Variants in PPP1CC observed in about 807,000 individuals in gnomAD.
The protein encoded by PPP1CC is serine/threonine-protein phosphatase PP1-gamma catalytic subunit.
Under a neutral mutation model 38.4 loss-of-function variants are expected in PPP1CC, and 16 were observed. The ratio of observed to expected loss-of-function variants is 0.42; its 90% confidence interval spans 0.28 to 0.63. The LOEUF (loss-of-function observed/expected upper bound fraction) is 0.63. PPP1CC is among the 30% of genes least tolerant of loss of function. The pLI is 0.25. For missense variants in PPP1CC, 170 were observed against 391.3 expected (o/e 0.43, Z 4.77); for synonymous variants, 158 against 136.0 (o/e 1.16, Z -1.13).
chr12:110,738,612 AGCTGACCACT>A (rs1225313395), intron 1 of PPP1CC, among the ~76,000 whole-genome samples: 1 of 152,204 alleles, frequency 6.6e-6, no homozygotes, highest in Non-Finnish European at 1.5e-5. Context: ...TAATTTCTAC[AGCTGACCACT>A]GCTGGGCTAC....
intron 3 of PPP1CC, among the ~76,000 whole-genome samples, chr12:110,726,988 A>G (rs965233675): frequency 6.6e-6 from 1 of 152,000 alleles, no homozygotes; most frequent in Non-Finnish European, 1.5e-5. Flanking sequence ...ACCTAGGGGG[A>G]ATGAAGCGAC....
At chr12:110,716,361 T>TC (rs1455735336), downstream of PPP1CC, among the ~76,000 whole-genome samples, 2 of 152,076 alleles carry the variant, frequency 1.3e-5, no homozygotes, top group African/African-American at 4.8e-5. Context: ...TTTAACTTTT[T>TC]TTTTTTTTTG....
chr12:110,738,037 C>T (rs1201649193), intron 1 of PPP1CC, among the ~76,000 whole-genome samples: 1 of 152,140 alleles, frequency 6.6e-6, no homozygotes. Flanking sequence ...TAAAGCCAAT[C>T]CATTAAAAAC....
chr12:110,733,672 T>C (rs1452444690), intron 1 of PPP1CC, among the ~76,000 whole-genome samples: 1 of 152,188 alleles, frequency 6.6e-6, no homozygotes, highest in Non-Finnish European at 1.5e-5. Flanking sequence ...TGGAGTGCAG[T>C]GGCATGATCA....
At chr12:110,735,304 T>C (rs2069930478) in intron 1 of PPP1CC, among the ~76,000 whole-genome samples, 1 of 152,110 alleles carries the variant, frequency 6.6e-6, no homozygotes, top group African/African-American at 2.4e-5. Flanking sequence ...CTAGGCACTG[T>C]ACTAAGGGCT....
Position 110,730,532 on chromosome 12 carries a change from C to T in PPP1CC, c.415G>A (p.Glu139Lys). The change falls in exon 3 of 7, where the codon GAA becomes AAA. Residue 139 changes from glutamate (E) to lysine (K), a missense_variant. Around this residue, in one of 3 missense-constraint regions of PPP1CC, gnomAD observed 117 missense variants for 344.4 expected, o/e 0.34. Coordinates refer to ENST00000335007, the MANE Select transcript of PPP1CC (RefSeq NM_002710.4). ...TTAGATATAGAAAAGTACTTACATT[C>T]ATCATAAAATCCATAAATTCTGTTG... Reference protein sequence around the residue: ...SINRIYGFYDECKRRYNIKLW... With the variant: ...SINRIYGFYDKCKRRYNIKLW... 1 of 1,596,966 alleles carries T rather than the reference C, an allele frequency of 6.3e-7. No individual in the cohort carries two copies. The highest frequency in any genetic ancestry group is 1.1e-5 in the South Asian group (1 of 88,916).
chr12:110,724,631 C>T, intron 4 of PPP1CC, 29 bp downstream of exon 4: 1 of 1,375,162 alleles, frequency 7.3e-7, no homozygotes, highest in Non-Finnish European at 1.0e-6. Flanking sequence ...GGATCAAAAC[C>T]TATTTGGAAC....
At chr12:110,726,673 C>T (rs1243145245) in intron 3 of PPP1CC, 2 of 152,130 alleles carry the variant, frequency 1.3e-5, no homozygotes, top group Non-Finnish European at 2.9e-5. Context: ...CAAGATGCTC[C>T]AAAATTTGGA....
chr12:110,715,011 C>T (rs1048484062), downstream of PPP1CC, among the ~76,000 whole-genome samples: 1 of 151,700 alleles, frequency 6.6e-6, no homozygotes, highest in African/African-American at 2.4e-5. Flanking sequence ...CCTAACTTGC[C>T]AGGGAAAGGT....
chr12:110,711,387 A>C, the PPP1CC span, among the ~76,000 whole-genome samples: 1 of 150,914 alleles, frequency 6.6e-6, no homozygotes, highest in Non-Finnish European at 1.5e-5. Flanking sequence ...TGTTTCTATA[A>C]AAATAAATAA....
At chr12:110,738,967 A>G (rs1176532761) in intron 1 of PPP1CC, among the ~76,000 whole-genome samples, 5 of 152,198 alleles carry the variant, frequency 3.3e-5, no homozygotes, top group African/African-American at 1.2e-4. Context: ...GTTCTTATCA[A>G]TGAGGGAATT....
intron 1 of PPP1CC, among the ~76,000 whole-genome samples, 161 bp downstream of exon 1, chr12:110,742,492 C>T (rs1352276788): frequency 1.3e-5 from 2 of 152,206 alleles, no homozygotes; most frequent in African/African-American, 2.4e-5. Flanking sequence ...GGGCTGGCCT[C>T]CCTCCGGCTG....
chr12:110,724,667 A>G lies in PPP1CC; in HGVS notation c.516T>C (p.Cys172=). 6.2e-7 allele frequency: 1 copy of G among 1,609,430 alleles called. No homozygotes were observed. Among genetic ancestry groups the G allele is most frequent in the Non-Finnish European group, 8.5e-7 (1 of 1,175,870 alleles). The change falls in exon 4 of 7, where the codon TGT becomes TGC. Residue 172 remains cysteine (C), a synonymous_variant. Transcript: ENST00000335007. ...AAIVDEKIFC[C]HGGLSPDLQS... is the part of the protein sequence containing the mutation. ...AAAAATCAGCCCACCTACCTCCATG[A>G]CAGCAGAATATCTTCTCATCCACGA... is the stretch of plus-strand genomic sequence containing the variant.
chr12:110,719,854 C>A lies in PPP1CC; in HGVS notation c.*1222G>T. 2.7e-6 allele frequency: 1 copy of A among 365,754 alleles called. No individual in the cohort carries two copies. 22.7% of individuals were successfully genotyped at this position (365,754 alleles called of 1,614,324 possible). A position where few individuals can be genotyped will look rare whatever the true frequency, so the allele number is the denominator to read the frequency against. On this transcript the variant is annotated 3_prime_UTR_variant, in exon 7 of 7. Coordinates refer to ENST00000335007, the MANE Select transcript of PPP1CC (RefSeq NM_002710.4). ...ATTCAGGAAAATCTATTCAATATGCCATCAACAGTTCTCCTGTGTGTATTG... is the reference window on the plus strand; with the variant it reads ...ATTCAGGAAAATCTATTCAATATGCAATCAACAGTTCTCCTGTGTGTATTG...
At chr12:110,711,146 C>T in the PPP1CC span, among the ~76,000 whole-genome samples, 5 of 151,896 alleles carry the variant, frequency 3.3e-5, no homozygotes, top group Non-Finnish European at 7.4e-5. Context: ...GCATTCCAGC[C>T]TGGGCGACAG....
chr12:110,742,797 C>T lies in PPP1CC; in HGVS notation c.-90G>A. 9.0e-7 allele frequency: 1 copy of T among 1,114,590 alleles called. No homozygotes were observed. The highest frequency in any genetic ancestry group is 2.2e-4 in the Middle Eastern group (1 of 4,560). The allele number at this position is 1,114,590 out of a possible 1,614,324, so 69.0% of individuals were successfully genotyped here. A position where few individuals can be genotyped will look rare whatever the true frequency, so the allele number is the denominator to read the frequency against. ...TCCTTTCCCACGCCACGAGCAGAGGCGGTGGTGGCGGCGGTGGCAGCAGCC... is the reference window on the plus strand; with the variant it reads ...TCCTTTCCCACGCCACGAGCAGAGGTGGTGGTGGCGGCGGTGGCAGCAGCC... On this transcript the variant is annotated 5_prime_UTR_variant, in exon 1 of 7. Transcript: ENST00000335007.
intron 1 of PPP1CC, 48 bp downstream of exon 1, chr12:110,742,605 C>T: frequency 2.2e-6 from 3 of 1,391,332 alleles, no homozygotes; most frequent in South Asian, 1.7e-5. Context: ...GGGCCGCCTG[C>T]CGCCCTCAGG....
downstream of PPP1CC, among the ~76,000 whole-genome samples, chr12:110,718,093 A>G (rs1284174867): frequency 5.9e-5 from 9 of 151,912 alleles, no homozygotes; most frequent in African/African-American, 2.2e-4. Flanking sequence ...GCATTCAGTA[A>G]TTTTTTCCTA....
rs2069860085 is a variant in PPP1CC at position 110,730,518 on chromosome 12, A to G, written c.418+11T>C. ...TCAATAACTCTTCCTTAGATATAGA[A>G]AAGTACTTACATTCATCATAAAATC... On this transcript the variant is annotated intron_variant, in intron 3 of 6. Coordinates refer to ENST00000335007, the MANE Select transcript of PPP1CC (RefSeq NM_002710.4). 5.8e-6 allele frequency: 9 copies of G among 1,558,852 alleles called. No individual in the cohort carries two copies. The highest frequency in any genetic ancestry group is 1.8e-5 in the Admixed American group (1 of 54,680).
Sources: gnomAD v4.1 joint callset for allele counts (sites outside exome capture counted in the v4.1 genomes callset) on GRCh38, gnomAD v4.1.1 for gene constraint, gnomAD v4.1.1 regional missense constraint, MANE v1.5 for transcripts, NCBI Gene and HGNC (gene_info 2026-07-23, HGNC 2026-07-21) for gene names.